Variants in AKAP19 observed in about 807,000 individuals in gnomAD.
AKAP19 encodes A-kinase anchoring protein 19.
chr2:190,060,412 C>T, the AKAP19 span: 6 of 1,609,718 alleles, frequency 3.7e-6, no homozygotes, highest in South Asian at 1.1e-5. Flanking sequence ...TTGGGTTTTC[C>T]ATCCACTTGC....
chr2:189,988,893 T>C, the AKAP19 span, among the ~76,000 whole-genome samples: 1 of 152,240 alleles, frequency 6.6e-6, no homozygotes, highest in Non-Finnish European at 1.5e-5. Flanking sequence ...GAAAATTATT[T>C]GTACTGATTT....
At chr2:190,197,511 C>CTCTA in the AKAP19 span, among the ~76,000 whole-genome samples, 5 of 152,348 alleles carry the variant, frequency 3.3e-5, no homozygotes, top group East Asian at 1.9e-4. The surrounding 1 kb of genome is among the most constrained non-coding windows in gnomAD (Gnocchi z 4.0). Flanking sequence ...CAATCTTGAA[C>CTCTA]TCTATCTTAT....
At chr2:190,131,707 T>C in the AKAP19 span, among the ~76,000 whole-genome samples, 4 of 152,162 alleles carry the variant, frequency 2.6e-5, no homozygotes, top group African/African-American at 9.7e-5. Context: ...TCTTGTAGGA[T>C]CAAACCTGTG....
chr2:189,992,762 AT>A, the AKAP19 span, among the ~76,000 whole-genome samples: 3 of 150,646 alleles, frequency 2.0e-5, no homozygotes, highest in Non-Finnish European at 3.0e-5. Context: ...ATTCCTAAGT[AT>A]TTTTTTTTAC....
At chr2:189,909,394 A>T in the AKAP19 span, among the ~76,000 whole-genome samples, 1 of 151,892 alleles carries the variant, frequency 6.6e-6, no homozygotes, top group South Asian at 2.1e-4. Context: ...TATCATGTTA[A>T]TTGTTTTCTG....
the AKAP19 span, among the ~76,000 whole-genome samples, chr2:189,893,508 G>T: frequency 6.6e-6 from 1 of 152,176 alleles, no homozygotes; most frequent in Admixed American, 6.5e-5. Context: ...CGGGTGAGGC[G>T]ATGCCCTACT....
the AKAP19 span, among the ~76,000 whole-genome samples, chr2:190,095,361 CA>C: frequency 6.6e-6 from 1 of 152,144 alleles, no homozygotes. Context: ...ATTCAGATGC[CA>C]AAATCTGAAT....
the AKAP19 span, among the ~76,000 whole-genome samples, chr2:190,098,545 G>A: frequency 1.0e-3 from 159 of 152,248 alleles, no homozygotes; most frequent in African/African-American, 3.7e-3. Context: ...TAGAGCACGA[G>A]CAGAGTAGAT....
chr2:190,024,009 G>A, the AKAP19 span, among the ~76,000 whole-genome samples: 1 of 151,626 alleles, frequency 6.6e-6, no homozygotes, highest in Admixed American at 6.6e-5. Context: ...ACCTATAAAC[G>A]TATACCTATT....
chr2:190,026,671 T>C, the AKAP19 span, among the ~76,000 whole-genome samples: 1 of 152,126 alleles, frequency 6.6e-6, no homozygotes, highest in Non-Finnish European at 1.5e-5. Flanking sequence ...CTACCAGAAA[T>C]CAGTTGGCAA....
the AKAP19 span, among the ~76,000 whole-genome samples, chr2:189,942,234 G>A: frequency 6.6e-6 from 1 of 151,808 alleles, no homozygotes. Context: ...GTTCTTATGA[G>A]ATCAGGGCAT....
chr2:190,108,373 C>G, the AKAP19 span, among the ~76,000 whole-genome samples: 1 of 152,208 alleles, frequency 6.6e-6, no homozygotes, highest in Non-Finnish European at 1.5e-5. Flanking sequence ...CCAGGCTGGT[C>G]TCACACTCCT....
At chr2:189,981,391 G>A in the AKAP19 span, among the ~76,000 whole-genome samples, 1 of 151,834 alleles carries the variant, frequency 6.6e-6, no homozygotes, top group East Asian at 1.9e-4. Context: ...TGAGCCTGTG[G>A]GTGTCATTAC....
At chr2:189,885,799 T>C in the AKAP19 span, among the ~76,000 whole-genome samples, 1 of 152,270 alleles carries the variant, frequency 6.6e-6, no homozygotes, top group Admixed American at 6.5e-5. Flanking sequence ...TGTTCTAGCA[T>C]TAATTTTTAT....
chr2:190,036,091 A>G, the AKAP19 span, among the ~76,000 whole-genome samples: 1 of 152,210 alleles, frequency 6.6e-6, no homozygotes, highest in East Asian at 1.9e-4. Context: ...TTAGCGTTAA[A>G]TTTCTGTAAA....
chr2:189,926,878 C>T, the AKAP19 span, among the ~76,000 whole-genome samples: 2 of 151,716 alleles, frequency 1.3e-5, no homozygotes, highest in African/African-American at 2.4e-5. Flanking sequence ...CCACTGCGCC[C>T]GGCCTAATTA....
At chr2:190,059,385 A>G in the AKAP19 span, among the ~76,000 whole-genome samples, 1 of 152,062 alleles carries the variant, frequency 6.6e-6, no homozygotes, top group East Asian at 1.9e-4. Flanking sequence ...AAATTTTTGC[A>G]CAAGAATGCT....
At chr2:189,922,462 A>T in the AKAP19 span, among the ~76,000 whole-genome samples, 204 of 152,350 alleles carry the variant, frequency 1.3e-3, 1 homozygote, top group African/African-American at 4.4e-3. Flanking sequence ...AAGTAGGTAG[A>T]TTCAGCAGAT....
At chr2:189,884,176 G>A in the AKAP19 span, among the ~76,000 whole-genome samples, 5 of 152,008 alleles carry the variant, frequency 3.3e-5, no homozygotes, top group African/African-American at 4.8e-5. Context: ...TGAATGGAGC[G>A]AACATATTTA....
Sources: gnomAD v4.1 joint callset for allele counts (sites outside exome capture counted in the v4.1 genomes callset) on GRCh38, gnomAD v4.1.1 for gene constraint, Gnocchi (gnomAD v3.1) non-coding constraint, MANE v1.5 for transcripts, NCBI Gene and HGNC (gene_info 2026-07-23, HGNC 2026-07-21) for gene names.